ARHGEF3: variants seen among roughly 807,000 people sequenced by gnomAD.
ARHGEF3 encodes Rho guanine nucleotide exchange factor 3.
Under a neutral mutation model 63.2 loss-of-function variants are expected in ARHGEF3, and 28 were observed. The ratio of observed to expected loss-of-function variants is 0.44; its 90% confidence interval spans 0.33 to 0.61. The LOEUF (loss-of-function observed/expected upper bound fraction) is 0.61, where lower values mean the gene tolerates loss of function less well. Ranked by LOEUF, ARHGEF3 falls within the 20% of genes least tolerant of loss-of-function variation. The pLI is 0.03. For synonymous variants in ARHGEF3, 266 were observed against 254.2 expected (o/e 1.05, Z -0.44); for missense variants, 533 against 659.3 (o/e 0.81, Z 2.10).
At chr3:56,968,680 G>T (rs1398096123) in intron 2 of ARHGEF3, among the ~76,000 whole-genome samples, 3 of 151,696 alleles carry the variant, frequency 2.0e-5, no homozygotes, top group Non-Finnish European at 2.9e-5. Flanking sequence ...AGTTTTAATA[G>T]TATAGTTTAT....
rs75281590 is a variant in ARHGEF3, at chr3:56,881,504, C to T, written c.192+788G>A. Among the ~76,000 whole-genome samples, 853 of 152,206 alleles carry T rather than the reference C, an allele frequency of 5.6e-3. 69 individuals are homozygous for T. In the East Asian group the frequency reaches 0.15, roughly 27 times the overall value. On this transcript the variant is annotated intron_variant, in intron 4 of 12. Transcript: ENST00000338458. Reference sequence around the variant, plus strand: ...TCCCAATTGCATCAGTGGGGAGACACGGTGGCCACACAAAGAAAGCTATGA... The same window carrying T: ...TCCCAATTGCATCAGTGGGGAGACATGGTGGCCACACAAAGAAAGCTATGA...
In ARHGEF3 at chr3:56,732,343, A is replaced by G. The variant is rs2033228938; in HGVS notation, c.1123T>C (p.Tyr375His). 1.2e-6 allele frequency: 2 copies of G among 1,614,108 alleles called. No individual in the cohort carries two copies. The highest frequency in any genetic ancestry group is 1.3e-5 in the African/African-American group (1 of 74,936). Residue 375 changes from tyrosine to histidine, a missense_variant, in exon 9 of 10, where the codon TAC becomes CAC. By Grantham distance (83) the Tyr-to-His change is moderately conservative. Around this residue, in one of 4 missense-constraint regions of ARHGEF3, gnomAD observed 151 missense variants for 190.7 expected, o/e 0.79. Coordinates refer to ENST00000296315, the MANE Select transcript of ARHGEF3 (RefSeq NM_019555.3). Reference protein sequence around the residue: ...THNEQLCYQLYRQPIPVKDLL... With the variant: ...THNEQLCYQLHRQPIPVKDLL... ...TCTTTCACGGGGATTGGCTGACGGT[A>G]CAGCTGGTAGCAAAGCTGCTCATTG...
At chr3:56,733,781 C>T (rs560270785) in intron 8 of ARHGEF3, among the ~76,000 whole-genome samples, 12 of 152,014 alleles carry the variant, frequency 7.9e-5, no homozygotes, top group African/African-American at 2.9e-4. Context: ...GTCAGGAGTT[C>T]AAGACCAGCC....
chr3:57,062,432 G>T (rs1305034124), intron 1 of ARHGEF3, among the ~76,000 whole-genome samples: 3 of 152,224 alleles, frequency 2.0e-5, no homozygotes, highest in African/African-American at 7.2e-5. Flanking sequence ...TCGGGCTCAG[G>T]CTAGGCTCAG....
intron 2 of ARHGEF3, among the ~76,000 whole-genome samples, chr3:57,029,407 C>T (rs928963229): frequency 6.7e-6 from 1 of 150,102 alleles, no homozygotes; most frequent in Non-Finnish European, 1.5e-5. Context: ...CCAGCTTGGA[C>T]AACAAGAGCG....
intron 4 of ARHGEF3, among the ~76,000 whole-genome samples, chr3:56,826,304 G>A (rs985413261): frequency 1.3e-5 from 2 of 152,094 alleles, no homozygotes; most frequent in African/African-American, 2.4e-5. Flanking sequence ...AAAGAAATTT[G>A]AGCTATGTTT....
intron 4 of ARHGEF3, among the ~76,000 whole-genome samples, chr3:56,848,593 A>G (rs909822112): frequency 6.6e-6 from 1 of 152,228 alleles, no homozygotes; most frequent in African/African-American, 2.4e-5. Context: ...GGTAGGGGGT[A>G]GGGCTGCAGA....
chr3:57,071,659 CAAAA>C (rs34281617), intron 1 of ARHGEF3, among the ~76,000 whole-genome samples: 2 of 124,914 alleles, frequency 1.6e-5, no homozygotes, highest in Admixed American at 8.0e-5. Context: ...AACTCCATCT[CAAAA>C]AAAAAAAAAA....
intron 3 of ARHGEF3, among the ~76,000 whole-genome samples, chr3:56,927,008 G>A (rs1287888299): frequency 6.6e-6 from 1 of 152,222 alleles, no homozygotes; most frequent in African/African-American, 2.4e-5. Flanking sequence ...TGAGGGCATA[G>A]CAACCAGAAC....
chr3:56,836,615 A>C (rs2039118962), intron 4 of ARHGEF3, among the ~76,000 whole-genome samples: 1 of 149,400 alleles, frequency 6.7e-6, no homozygotes, highest in African/African-American at 2.4e-5. Context: ...TTTATACAAC[A>C]ATCAGACAAG....
chr3:56,979,452 T>G (rs542717198), intron 2 of ARHGEF3, among the ~76,000 whole-genome samples: 1 of 152,318 alleles, frequency 6.6e-6, no homozygotes, highest in South Asian at 2.1e-4. Context: ...AGGCATCTCT[T>G]CAAAATCCTC....
At chr3:57,036,273 T>C (rs1560151359) in intron 1 of ARHGEF3, among the ~76,000 whole-genome samples, 1 of 152,110 alleles carries the variant, frequency 6.6e-6, no homozygotes, top group Non-Finnish European at 1.5e-5. Flanking sequence ...TCTCCAAGTA[T>C]GAGCTGTGAG....
At chr3:56,915,699 A>T (rs1182896537) in intron 3 of ARHGEF3, among the ~76,000 whole-genome samples, 1 of 152,138 alleles carries the variant, frequency 6.6e-6, no homozygotes, top group Non-Finnish European at 1.5e-5. Context: ...CTCCACTGAT[A>T]ATATCTGACT....
intron 1 of ARHGEF3, among the ~76,000 whole-genome samples, chr3:56,782,548 G>A (rs9876300): frequency 0.22 from 33,433 of 151,722 alleles, 5,565 homozygotes; most frequent in African/African-American, 0.47. Context: ...CCTCACATTA[G>A]GCATCCAAGG....
chr3:56,733,716 G>A (rs1435296108), intron 8 of ARHGEF3, among the ~76,000 whole-genome samples: 2 of 151,902 alleles, frequency 1.3e-5, no homozygotes, highest in African/African-American at 4.8e-5. Context: ...GGGCACAGTG[G>A]CTCACGCCTG....
At chr3:57,002,351 G>A (rs1427239905) in intron 2 of ARHGEF3, among the ~76,000 whole-genome samples, 1 of 148,320 alleles carries the variant, frequency 6.7e-6, no homozygotes, top group Non-Finnish European at 1.5e-5. Flanking sequence ...TGCTTATTAA[G>A]GGTAGAATAA....
chr3:56,799,620 C>T (rs896623431), intron 1 of ARHGEF3, among the ~76,000 whole-genome samples: 3 of 152,126 alleles, frequency 2.0e-5, no homozygotes, highest in South Asian at 2.1e-4. Flanking sequence ...TGAATACTGA[C>T]GACACCTACT....
Position 56,773,756 on chromosome 3 carries a change from G to C in ARHGEF3, c.157C>G (p.Pro53Ala). 1 of 1,602,524 alleles carries C rather than the reference G, an allele frequency of 6.2e-7. No individual in the cohort carries two copies. The highest frequency in any genetic ancestry group is 8.5e-7 in the Non-Finnish European group (1 of 1,175,600). The change falls in exon 2 of 10, where the codon CCG (proline) becomes GCG (alanine). Residue 53 changes from proline to alanine, a missense_variant. Physicochemically the swap from Pro to Ala is conservative, Grantham distance 27. Around this residue, in one of 4 missense-constraint regions of ARHGEF3, gnomAD observed 160 missense variants for 157.3 expected, o/e 1.02. Coordinates refer to ENST00000296315, the MANE Select transcript of ARHGEF3 (RefSeq NM_019555.3). ...SRVTSLANLI[P>A]PVKATPLKRF... ...TTTAATGGCGTGGCCTTCACGGGCG[G>C]GATGAGGTTTGCTAGCGACGTGACT...
At chr3:56,771,204 C>T (rs17057298) in intron 2 of ARHGEF3, among the ~76,000 whole-genome samples, 3,939 of 152,140 alleles carry the variant, frequency 0.026, 78 homozygotes, top group Non-Finnish European at 0.036. Context: ...GTCTGGCTTT[C>T]TCATCCTTGC....
Sources: gnomAD v4.1 joint callset for allele counts (sites outside exome capture counted in the v4.1 genomes callset) on GRCh38, gnomAD v4.1.1 for gene constraint, gnomAD v4.1.1 regional missense constraint, MANE v1.5 for transcripts, NCBI Gene and HGNC (gene_info 2026-07-23, HGNC 2026-07-21) for gene names.